The following FHIT variants were observed in gnomAD, a reference collection of about 807,000 sequenced individuals.
FHIT encodes fragile histidine triad diadenosine triphosphatase, also known as bis(5'-adenosyl)-triphosphatase.
FHIT carries 19 observed loss-of-function variants against 17.9 expected under a neutral mutation model. The observed-to-expected ratio is 1.06, with a 90% CI of 0.74 to 1.56. FHIT has a LOEUF of 1.56. Among genes scored for constraint, FHIT ranks in the 40% most tolerant of loss-of-function variants. FHIT has a pLI of 0.00. For missense variants in FHIT, 248 were observed against 189.2 expected (o/e 1.31, Z -1.82); for synonymous variants, 81 against 69.7 (o/e 1.16, Z -0.81).
chr3:59,858,236 CTTTTTTTTTT>C (rs563841299), intron 8 of FHIT, among the ~76,000 whole-genome samples: 9 of 84,454 alleles, frequency 1.1e-4, no homozygotes, highest in South Asian at 4.8e-4. Flanking sequence ...TTCCCACCTT[CTTTTTTTTTT>C]TTTTTTTTTT....
chr3:60,280,399 T>G (rs1315148297), intron 5 of FHIT, among the ~76,000 whole-genome samples: 1 of 152,200 alleles, frequency 6.6e-6, no homozygotes, highest in African/African-American at 2.4e-5. Flanking sequence ...AAGAAAGGAC[T>G]TTGTAGCTGT....
chr3:61,037,801 G>A (rs907374970), intron 3 of FHIT, among the ~76,000 whole-genome samples: 2 of 152,152 alleles, frequency 1.3e-5, no homozygotes, highest in African/African-American at 4.8e-5. Context: ...GCAGACCCTT[G>A]ATCTTAGATG....
At chr3:61,215,979 T>C (rs900232965) in intron 1 of FHIT, among the ~76,000 whole-genome samples, 10 of 126,822 alleles carry the variant, frequency 7.9e-5, no homozygotes, top group Middle Eastern at 3.8e-3. Context: ...CCTTACATCT[T>C]ATACAAATTA....
intron 4 of FHIT, among the ~76,000 whole-genome samples, chr3:60,752,506 C>T (rs909632277): frequency 9.2e-5 from 14 of 152,108 alleles, no homozygotes; most frequent in African/African-American, 3.4e-4. Flanking sequence ...TTGAAAAGGA[C>T]ATGTGAAGGG....
chr3:59,750,510 C>CGA (rs1156986690), intron 9 of FHIT: 4 of 224,326 alleles, frequency 1.8e-5, no homozygotes, highest in Non-Finnish European at 1.8e-5. Flanking sequence ...CCTTAAAAAA[C>CGA]GAGAGAGAGA....
chr3:59,958,409 T>C (rs1400089556), intron 7 of FHIT, among the ~76,000 whole-genome samples: 3 of 152,184 alleles, frequency 2.0e-5, no homozygotes, highest in Non-Finnish European at 4.4e-5. Context: ...CTCACTCAAA[T>C]GGCATAGGCT....
At chr3:60,900,641 T>C (rs2107221423) in intron 3 of FHIT, among the ~76,000 whole-genome samples, 1 of 152,204 alleles carries the variant, frequency 6.6e-6, no homozygotes, top group East Asian at 1.9e-4. Flanking sequence ...TTGGAGAACC[T>C]TAAAGTCATT....
chr3:60,700,529 T>G (rs564415921), intron 4 of FHIT, among the ~76,000 whole-genome samples: 116 of 149,970 alleles, frequency 7.7e-4, no homozygotes, highest in African/African-American at 2.9e-3. Flanking sequence ...TTTATGTTAA[T>G]GTTATTTGTC....
chr3:60,119,177 G>C (rs1385113142), intron 5 of FHIT, among the ~76,000 whole-genome samples: 1 of 151,696 alleles, frequency 6.6e-6, no homozygotes, highest in African/African-American at 2.4e-5. Flanking sequence ...AGGTTCAAGT[G>C]ATTCTCCTGC....
chr3:60,989,032 G>GT (rs1194186948), intron 3 of FHIT, among the ~76,000 whole-genome samples: 1 of 142,754 alleles, frequency 7.0e-6, no homozygotes, highest in African/African-American at 2.6e-5. Context: ...GAAGTCTTTG[G>GT]TTTATGGATA....
chr3:60,188,680 A>G (rs1457122662), intron 5 of FHIT, among the ~76,000 whole-genome samples: 1 of 152,182 alleles, frequency 6.6e-6, no homozygotes, highest in Non-Finnish European at 1.5e-5. Context: ...GCATCATAAT[A>G]TATATCACAC....
chr3:60,436,508 C>T (rs2594249), intron 5 of FHIT, among the ~76,000 whole-genome samples: 1 of 152,108 alleles, frequency 6.6e-6, no homozygotes, highest in African/African-American at 2.4e-5. Context: ...CCAACAGAAG[C>T]TCTAGGCTTT....
chr3:60,603,425 T>C (rs1170798082), intron 4 of FHIT, among the ~76,000 whole-genome samples: 2 of 152,128 alleles, frequency 1.3e-5, no homozygotes, highest in Non-Finnish European at 2.9e-5. Context: ...TTACTATCTA[T>C]CCATTTTACT....
In FHIT at chr3:60,660,624, A is replaced by AT. The variant is rs559702872; in HGVS notation, c.-17-123646dup. 2.7e-5 allele frequency among the ~76,000 whole-genome samples: 4 copies of AT among 149,206 alleles called. No homozygotes were observed. The East Asian group carries it at 6.0e-4, about 22-fold the overall frequency. On this transcript the variant is annotated intron_variant, in intron 4 of 9. Transcript: ENST00000492590. The stretch of plus-strand genomic sequence containing the variant: ...TCTTCCCAGAATCCCCTCCTTATCA[A>AT]TTTTTTTTATTTAGCCATTTTAATA...
chr3:60,403,942 G>C (rs900019615), intron 5 of FHIT, among the ~76,000 whole-genome samples: 1 of 152,110 alleles, frequency 6.6e-6, no homozygotes, highest in East Asian at 1.9e-4. Context: ...TGAAGGGATC[G>C]TGTATTAGGA....
intron 5 of FHIT, among the ~76,000 whole-genome samples, chr3:60,280,344 T>C (rs954681143): frequency 1.3e-5 from 2 of 152,182 alleles, no homozygotes; most frequent in East Asian, 3.9e-4. Flanking sequence ...CTCCCAAAGA[T>C]ATCAGGTCTT....
At chr3:59,769,116 T>C (rs2106822254) in intron 8 of FHIT, among the ~76,000 whole-genome samples, 1 of 152,344 alleles carries the variant, frequency 6.6e-6, no homozygotes, top group South Asian at 2.1e-4. Flanking sequence ...GAGGTTGGCA[T>C]CCTACCCTGA....
intron 4 of FHIT, among the ~76,000 whole-genome samples, chr3:60,688,793 G>T (rs565873199): frequency 6.6e-6 from 1 of 152,136 alleles, no homozygotes; most frequent in Non-Finnish European, 1.5e-5. Flanking sequence ...TTTTATTGCC[G>T]TAAATGATAT....
intron 2 of FHIT, among the ~76,000 whole-genome samples, chr3:61,194,043 C>T (rs2038787817): frequency 4.2e-5 from 2 of 47,446 alleles, no homozygotes; most frequent in African/African-American, 7.4e-5. Context: ...AATAGATTGG[C>T]GGTGGTGGGG....
Sources: allele counts gnomAD v4.1 joint callset (sites outside exome capture counted in the v4.1 genomes callset), GRCh38; gene constraint gnomAD v4.1.1; transcripts MANE v1.5; gene names NCBI Gene and HGNC (gene_info 2026-07-23, HGNC 2026-07-21).